Variants in ADAM9 observed in about 807,000 individuals in gnomAD.
ADAM9 encodes the protein ADAM metallopeptidase domain 9.
In ADAM9, 54 loss-of-function variants were observed where a neutral mutation model predicts 108.1. That is an observed-to-expected ratio of 0.50 (90% CI 0.40 to 0.63). The LOEUF is 0.63. Among genes scored for constraint, ADAM9 ranks in the 20% least tolerant of loss-of-function variants. The pLI is 0.00. For synonymous variants in ADAM9, 316 were observed against 336.0 expected (o/e 0.94, Z 0.65); for missense variants, 830 against 997.7 (o/e 0.83, Z 2.26).
intron 12 of ADAM9, among the ~76,000 whole-genome samples, chr8:39,044,886 A>G (rs113293431): frequency 3.8e-5 from 5 of 131,568 alleles, no homozygotes; most frequent in African/African-American, 6.4e-5. Flanking sequence ...ATATATATGT[A>G]TATATATGTG....
chr8:39,101,941 A>C lies in ADAM9; in HGVS notation c.2366+11A>C. ...GCAGTTCCCATCAAGGTCAGAAGAA[A>C]ATTTGCTTAGATTTTTTGGCCAGAA... On this transcript the variant is annotated intron_variant, in intron 21 of 21. Transcript: ENST00000487273. 1 of 1,610,882 alleles carries C rather than the reference A, an allele frequency of 6.2e-7. No homozygotes were observed. Among genetic ancestry groups the C allele is most frequent in the Non-Finnish European group, 8.5e-7 (1 of 1,177,096 alleles).
intron 11 of ADAM9, among the ~76,000 whole-genome samples, chr8:39,037,963 C>T (rs1837338198): frequency 6.6e-6 from 1 of 152,096 alleles, no homozygotes; most frequent in African/African-American, 2.4e-5. Flanking sequence ...AATGGTAACT[C>T]CTTCCTTCTA....
chr8:39,018,046 A>G (rs2129433273), intron 6 of ADAM9, among the ~76,000 whole-genome samples: 3 of 152,346 alleles, frequency 2.0e-5, no homozygotes, highest in Middle Eastern at 6.8e-3. Flanking sequence ...ATGATAAACT[A>G]TGTCTGAGTC....
chr8:39,076,651 T>C (rs1309516563), intron 15 of ADAM9, among the ~76,000 whole-genome samples: 1 of 152,188 alleles, frequency 6.6e-6, no homozygotes, highest in African/African-American at 2.4e-5. Context: ...AGGAAGGGCA[T>C]TTAATTCACA....
intron 11 of ADAM9, among the ~76,000 whole-genome samples, chr8:39,032,397 C>T (rs1837124930): frequency 6.6e-6 from 1 of 152,258 alleles, no homozygotes; most frequent in Non-Finnish European, 1.5e-5. Context: ...CCTCCCCCTG[C>T]CAGGCTGCTG....
At chr8:39,019,673 G>A (rs980939519) in intron 7 of ADAM9, among the ~76,000 whole-genome samples, 9 of 152,184 alleles carry the variant, frequency 5.9e-5, no homozygotes, top group African/African-American at 1.9e-4. Context: ...TGTTGTCAGT[G>A]TGAAAAAGTT....
rs115630173 is a variant in ADAM9, at chr8:39,018,421, A to G, written c.607-432A>G. Among the ~76,000 whole-genome samples, 169 of 152,310 alleles carry G rather than the reference A, an allele frequency of 1.1e-3. 1 individual carries two copies. The highest frequency in any genetic ancestry group is 3.8e-3 in the African/African-American group (157 of 41,576). ...CTTCTGCTCTGGGATATTAGTGGAT[A>G]TGTTTTCTTTATCTCTCAGCATAGT... On this transcript the variant is annotated intron_variant, in intron 6 of 21. Coordinates refer to ENST00000487273, the MANE Select transcript of ADAM9 (RefSeq NM_003816.3).
At chr8:39,004,152 C>T (rs1481849282) in intron 1 of ADAM9, among the ~76,000 whole-genome samples, 2 of 151,776 alleles carry the variant, frequency 1.3e-5, no homozygotes, top group African/African-American at 4.8e-5. Flanking sequence ...GAAAAAACTT[C>T]AGTTTGGTTC....
chr8:39,052,304 T>A (rs1282726805), intron 12 of ADAM9, among the ~76,000 whole-genome samples: 4 of 152,140 alleles, frequency 2.6e-5, no homozygotes, highest in Non-Finnish European at 5.9e-5. Flanking sequence ...TTATCAGTTC[T>A]GTTGGTTCAT....
intron 11 of ADAM9, among the ~76,000 whole-genome samples, chr8:39,033,240 A>G (rs1486122458): frequency 2.0e-5 from 3 of 152,174 alleles, no homozygotes; most frequent in Non-Finnish European, 4.4e-5. Context: ...GGCATATAGG[A>G]AAGTAATTGA....
At chr8:39,102,085 T>C (rs1588441194) in intron 21 of ADAM9, among the ~76,000 whole-genome samples, 155 bp downstream of exon 21, 1 of 152,352 alleles carries the variant, frequency 6.6e-6, no homozygotes, top group Non-Finnish European at 1.5e-5. Context: ...AAAATAACTT[T>C]ATATAAATTT....
In ADAM9 at chr8:39,101,906, A is replaced by C; in HGVS notation, c.2342A>C (p.Lys781Thr). 6.2e-7 allele frequency: 1 copy of C among 1,613,992 alleles called. No individual in the cohort carries two copies. Among genetic ancestry groups the C allele is most frequent in the Non-Finnish European group, 8.5e-7 (1 of 1,179,902 alleles). The change falls in exon 21 of 22, where the codon AAG (lysine) becomes ACG (threonine). Residue 781 changes from lysine to threonine, a missense_variant. Around this residue, in one of 3 missense-constraint regions of ADAM9, gnomAD observed 238 missense variants for 235.7 expected, o/e 1.01. Coordinates refer to ENST00000487273, the MANE Select transcript of ADAM9 (RefSeq NM_003816.3). The part of the protein sequence containing the change: ...NRFAVPTYAA[K>T]QPQQFPSRPP... ...TTTGCAGTACCAACCTATGCAGCCA[A>C]GCAACCTCAGCAGTTCCCATCAAGG...
At chr8:39,026,539 T>C in intron 10 of ADAM9, 138 bp from the exon 11 acceptor site, 1 of 1,044,282 alleles carries the variant, frequency 9.6e-7, no homozygotes, top group Admixed American at 1.8e-5. Context: ...GTATAAAGAC[T>C]GTTGTTGGAT....
intron 12 of ADAM9, among the ~76,000 whole-genome samples, chr8:39,046,024 G>A (rs1206425881): frequency 6.6e-6 from 1 of 151,834 alleles, no homozygotes; most frequent in East Asian, 1.9e-4. Flanking sequence ...CTTCTTCTGA[G>A]GAATGGATTT....
At chr8:39,014,537 A>C in intron 4 of ADAM9, 1 of 702,636 alleles carries the variant, frequency 1.4e-6, no homozygotes, top group South Asian at 1.5e-5. Flanking sequence ...TCCTGGGGAC[A>C]GAGCTGGCCA....
At chr8:39,052,852 C>T (rs1449234422) in intron 12 of ADAM9, among the ~76,000 whole-genome samples, 5 of 152,070 alleles carry the variant, frequency 3.3e-5, no homozygotes, top group Admixed American at 2.0e-4. Context: ...GTAAATGTCC[C>T]GGAGTAGAAT....
intron 12 of ADAM9, among the ~76,000 whole-genome samples, chr8:39,047,814 G>T (rs1837821416): frequency 6.7e-6 from 1 of 149,440 alleles, no homozygotes; most frequent in South Asian, 2.1e-4. Flanking sequence ...TTTCCCTTAT[G>T]ATAATTTTGG....
At chr8:39,103,418 T>C (rs1018370313) in intron 21 of ADAM9, among the ~76,000 whole-genome samples, 189 bp from the exon 22 acceptor site, 7 of 152,174 alleles carry the variant, frequency 4.6e-5, no homozygotes, top group African/African-American at 1.7e-4. Flanking sequence ...TTAAAGTAGT[T>C]ATTCCATTTT....
intron 20 of ADAM9, among the ~76,000 whole-genome samples, chr8:39,092,329 T>G (rs1272447883): frequency 8.3e-6 from 1 of 120,308 alleles, no homozygotes; most frequent in Middle Eastern, 3.9e-3. Context: ...TTAATATATT[T>G]ATACACACAC....
Sources: gnomAD v4.1 joint callset for allele counts (sites outside exome capture counted in the v4.1 genomes callset) on GRCh38, gnomAD v4.1.1 for gene constraint, gnomAD v4.1.1 regional missense constraint, MANE v1.5 for transcripts, NCBI Gene and HGNC (gene_info 2026-07-23, HGNC 2026-07-21) for gene names.